The following SLC2A9 variants were observed in gnomAD, a reference collection of about 807,000 sequenced individuals.
SLC2A9 encodes the protein solute carrier family 2, facilitated glucose transporter member 9.
SLC2A9 carries 39 observed loss-of-function variants against 50.6 expected under a neutral mutation model. The observed-to-expected ratio is 0.77, with a 90% CI of 0.60 to 1.01. The LOEUF is 1.01. Ranked by LOEUF, SLC2A9 falls within the 50% of genes least tolerant of loss-of-function variation. The probability of loss-of-function intolerance (pLI) is 0.00; values close to 1 mark genes in which losing one functional copy is unlikely to be tolerated. For synonymous variants in SLC2A9, 324 were observed against 276.9 expected (o/e 1.17, Z -1.69); for missense variants, 686 against 677.6 (o/e 1.01, Z -0.14).
chr4:9,800,401 T>A (rs1429802039), intron 3 of SLC2A9, among the ~76,000 whole-genome samples: 1 of 152,184 alleles, frequency 6.6e-6, no homozygotes, highest in Non-Finnish European at 1.5e-5. Flanking sequence ...ATATGATGGG[T>A]GTCCTTATCA....
chr4:9,886,558 C>T (rs1006900098), intron 10 of SLC2A9, among the ~76,000 whole-genome samples: 6 of 151,940 alleles, frequency 3.9e-5, no homozygotes, highest in African/African-American at 7.3e-5. Flanking sequence ...TATAATATCC[C>T]GATGTCCTGA....
At chr4:9,981,275 G>T in intron 4 of SLC2A9, among the ~76,000 whole-genome samples, 1 of 150,702 alleles carries the variant, frequency 6.6e-6, no homozygotes, top group Non-Finnish European at 1.5e-5. Context: ...TGATAGTGGT[G>T]GTGGTAGTAG....
At position 10,018,976 on chromosome 4, in the gene SLC2A9, G is replaced by A. The variant is rs1360570041; in HGVS notation, c.248C>T (p.Pro83Leu). ...TGCCGGGCCTTGGCGCGCACTCACC[G>A]GGGTGGGGGCATTCACCACCGACAG... ...YNLSVVNAPT[P>L]YIKAFYNESW... The change falls in exon 2 of 12, where the codon CCG (proline) becomes CTG (leucine). Residue 83 changes from proline (P) to leucine (L), a missense_variant and splice_region_variant. Coordinates refer to ENST00000264784, the MANE Select transcript of SLC2A9 (RefSeq NM_020041.3). 3.2e-6 allele frequency: 5 copies of A among 1,549,572 alleles called. No homozygotes were observed. Among genetic ancestry groups the A allele is most frequent in the Admixed American group, 2.0e-5 (1 of 51,000 alleles).
intron 6 of SLC2A9, among the ~76,000 whole-genome samples, chr4:9,927,015 C>A (rs6449128): frequency 0.015 from 2,217 of 149,680 alleles, 68 homozygotes; most frequent in African/African-American, 0.051. Flanking sequence ...TGAGGGAATC[C>A]ATTTCTGTTG....
At chr4:9,978,515 G>A (rs929569088) in intron 5 of SLC2A9, among the ~76,000 whole-genome samples, 6 of 152,218 alleles carry the variant, frequency 3.9e-5, no homozygotes, top group Admixed American at 1.3e-4. Context: ...TGTTTAGGGA[G>A]CTGAGGCTGT....
intron 6 of SLC2A9, among the ~76,000 whole-genome samples, chr4:9,941,108 A>G (rs1242850177): frequency 1.3e-5 from 2 of 152,238 alleles, no homozygotes; most frequent in African/African-American, 4.8e-5. Context: ...TTACCTTCAC[A>G]TGCCTAACTA....
At chr4:9,987,578 C>T (rs935173055) in intron 3 of SLC2A9, among the ~76,000 whole-genome samples, 2 of 152,080 alleles carry the variant, frequency 1.3e-5, no homozygotes, top group African/African-American at 4.8e-5. Flanking sequence ...CAATAGAGCC[C>T]CAGTGGGTCT....
intron 2 of SLC2A9, among the ~76,000 whole-genome samples, chr4:10,008,918 C>T (rs7700047): frequency 0.46 from 60,520 of 130,498 alleles, 13,994 homozygotes; most frequent in African/African-American, 0.67. Flanking sequence ...TTTTTTTTTT[C>T]CTAATGGAAG....
chr4:9,833,815 A>G (rs1293945721), intron 11 of SLC2A9, among the ~76,000 whole-genome samples: 1 of 152,198 alleles, frequency 6.6e-6, no homozygotes, highest in Non-Finnish European at 1.5e-5. Context: ...GGTGATGTAT[A>G]TGACGGATTC....
chr4:9,824,713 C>T (rs531669495), downstream of SLC2A9, among the ~76,000 whole-genome samples: 1 of 152,216 alleles, frequency 6.6e-6, no homozygotes, highest in Non-Finnish European at 1.5e-5. Context: ...GTAGCTAGTG[C>T]CTTGTCTATG....
intron 1 of SLC2A9, 86 bp from the exon 2 acceptor site, chr4:10,019,159 G>A: frequency 2.7e-6 from 3 of 1,113,548 alleles, no homozygotes; most frequent in Non-Finnish European, 4.0e-6. Context: ...CTCAGCTGGG[G>A]GAGGCCTTCC....
rs189979982 is a variant in SLC2A9, at chr4:9,996,884, G to C, written c.307C>G (p.Pro103Ala). The C allele has an allele frequency of 4.8e-5, 78 of 1,614,120 alleles. 1 individual carries two copies. The East Asian group carries it at 1.7e-3, about 36-fold the overall frequency. ...GACCAGAGCAAAGTCAGAGTGTCTGGGTCTATTGGACGTCCATGCCTTCTT... is the reference window on the plus strand; with the variant it reads ...GACCAGAGCAAAGTCAGAGTGTCTGCGTCTATTGGACGTCCATGCCTTCTT... The part of the protein sequence containing the change: ...WERRHGRPID[P>A]DTLTLLWSVT... The change falls in exon 3 of 12, where the codon CCA becomes GCA. Residue 103 changes from proline to alanine, a missense_variant. Pro to Ala is a conservative substitution (Grantham distance 27). Transcript: ENST00000264784.
At chr4:9,995,366 C>T (rs1283393964) in intron 3 of SLC2A9, among the ~76,000 whole-genome samples, 2 of 152,216 alleles carry the variant, frequency 1.3e-5, no homozygotes, top group Non-Finnish European at 2.9e-5. Context: ...CACAGACCCT[C>T]ATAAGCACCA....
chr4:10,037,996 G>A (rs563470594), intron 1 of SLC2A9, among the ~76,000 whole-genome samples: 2 of 152,128 alleles, frequency 1.3e-5, no homozygotes, highest in African/African-American at 4.8e-5. Flanking sequence ...AGGACCCACG[G>A]TAGCTGTGAT....
chr4:9,776,844 C>A (rs759115640), downstream of SLC2A9, among the ~76,000 whole-genome samples: 3 of 152,242 alleles, frequency 2.0e-5, no homozygotes, highest in Non-Finnish European at 2.9e-5. Context: ...TAGAACAAAT[C>A]CTCATGCCCT....
At chr4:9,923,010 G>A (rs1269447853) in intron 6 of SLC2A9, 4 of 152,012 alleles carry the variant, frequency 2.6e-5, no homozygotes, top group East Asian at 1.9e-4. Flanking sequence ...TCCTAACAAC[G>A]GCCTGTTGGG....
At chr4:9,906,451 TAATA>T (rs989243586) in intron 8 of SLC2A9, among the ~76,000 whole-genome samples, 91 of 152,228 alleles carry the variant, frequency 6.0e-4, no homozygotes, top group African/African-American at 1.7e-3. Flanking sequence ...AACAAAAAAA[TAATA>T]AATAAGAAAA....
intron 3 of SLC2A9, among the ~76,000 whole-genome samples, chr4:9,802,025 T>A (rs900896614): frequency 6.6e-6 from 1 of 152,192 alleles, no homozygotes; most frequent in Non-Finnish European, 1.5e-5. Context: ...CTCTACTCCA[T>A]CCCACTTGAG....
intron 6 of SLC2A9, among the ~76,000 whole-genome samples, chr4:9,930,943 C>A (rs184933418): frequency 1.3e-5 from 2 of 152,244 alleles, no homozygotes; most frequent in East Asian, 1.9e-4. Flanking sequence ...AGCCCAGAAC[C>A]CCAGATGTGT....
Sources: gnomAD v4.1 joint callset for allele counts (sites outside exome capture counted in the v4.1 genomes callset) on GRCh38, gnomAD v4.1.1 for gene constraint, MANE v1.5 for transcripts, NCBI Gene and HGNC (gene_info 2026-07-23, HGNC 2026-07-21) for gene names.